The following CST8 variants were observed in gnomAD, a reference collection of about 807,000 sequenced individuals.
CST8 encodes the protein cystatin-8.
In CST8, 20 loss-of-function variants were observed where a neutral mutation model predicts 11.8. The observed-to-expected ratio is 1.70, with a 90% CI of 1.20 to 2.47. The LOEUF is 2.47. Among genes scored for constraint, CST8 ranks in the 30% most tolerant of loss-of-function variants. CST8 has a pLI of 0.00. For missense variants in CST8, 196 were observed against 167.2 expected, an observed-to-expected ratio of 1.17 and a Z score of -0.95; for synonymous variants, 77 against 63.1, an observed-to-expected ratio of 1.22 and a Z score of -1.05.
chr20:23,501,811 A>G, the CST8 span, among the ~76,000 whole-genome samples: 1 of 152,200 alleles, frequency 6.6e-6, no homozygotes, highest in Non-Finnish European at 1.5e-5. Flanking sequence ...TCCCTGGAGC[A>G]ATTATTGTTC....
downstream of CST8, chr20:23,496,080 A>C (rs951885040): frequency 1.7e-6 from 1 of 597,754 alleles, no homozygotes; most frequent in South Asian, 2.2e-5. Context: ...GGGCATGTCC[A>C]GGTCCTCTTT....
chr20:23,500,140 G>A (rs377451562), downstream of CST8, among the ~76,000 whole-genome samples: 1 of 151,946 alleles, frequency 6.6e-6, no homozygotes, highest in Non-Finnish European at 1.5e-5. Context: ...TCATTACCTC[G>A]AGGAAGACAC....
downstream of CST8, among the ~76,000 whole-genome samples, chr20:23,498,030 T>G (rs1244345398): frequency 1.3e-5 from 2 of 151,790 alleles, no homozygotes; most frequent in Admixed American, 6.6e-5. Flanking sequence ...TATGTGTGTG[T>G]GTAGAGAGAG....
intron 3 of CST8, 101 bp from the exon 4 acceptor site, chr20:23,495,730 C>T (rs1017744193): frequency 6.9e-6 from 6 of 870,172 alleles, no homozygotes; most frequent in East Asian, 5.0e-5. Context: ...TCTGTCAGCA[C>T]ACACCTAAAC....
the CST8 span, among the ~76,000 whole-genome samples, chr20:23,506,397 G>T: frequency 2.6e-5 from 4 of 152,056 alleles, no homozygotes; most frequent in Admixed American, 6.6e-5. Context: ...CTTTCTTTTG[G>T]GACCTACCAG....
At chr20:23,492,928 G>T in intron 2 of CST8, 30 bp from the exon 3 acceptor site, 2 of 1,222,482 alleles carry the variant, frequency 1.6e-6, no homozygotes, top group South Asian at 1.2e-5. Context: ...CAACTCTTTT[G>T]AATAAAATTG....
At chr20:23,495,576 C>T (rs978297045) in intron 3 of CST8, among the ~76,000 whole-genome samples, 6 of 152,070 alleles carry the variant, frequency 3.9e-5, no homozygotes, top group African/African-American at 1.4e-4. Context: ...TGAACTTGCA[C>T]CACAATGTTA....
At chr20:23,504,383 T>C in the CST8 span, among the ~76,000 whole-genome samples, 1 of 152,140 alleles carries the variant, frequency 6.6e-6, no homozygotes. Flanking sequence ...CCTTTTGCCT[T>C]TAAAAGCCTG....
At chr20:23,502,181 C>G in the CST8 span, among the ~76,000 whole-genome samples, 1 of 152,298 alleles carries the variant, frequency 6.6e-6, no homozygotes, top group East Asian at 1.9e-4. Context: ...GCCACAGAAG[C>G]CACCTAAAAG....
At chr20:23,493,117 C>T (rs1230861791) in intron 3 of CST8, 46 bp downstream of exon 3, 2 of 1,204,466 alleles carry the variant, frequency 1.7e-6, no homozygotes, top group Non-Finnish European at 2.5e-6. Flanking sequence ...CAGCTCTGAA[C>T]CCAAGAGAGA....
downstream of CST8, among the ~76,000 whole-genome samples, chr20:23,496,444 G>C (rs926807670): frequency 6.6e-6 from 1 of 152,120 alleles, no homozygotes; most frequent in African/African-American, 2.4e-5. Context: ...TGTACAAATA[G>C]GGTGGGGGTC....
the CST8 span, among the ~76,000 whole-genome samples, chr20:23,501,691 C>T: frequency 6.6e-6 from 1 of 152,142 alleles, no homozygotes; most frequent in African/African-American, 2.4e-5. Context: ...TGGATCCTGC[C>T]CAGGGAAGAG....
downstream of CST8, among the ~76,000 whole-genome samples, chr20:23,498,402 T>G (rs903272711): frequency 5.9e-5 from 9 of 152,220 alleles, no homozygotes; most frequent in African/African-American, 2.2e-4. Flanking sequence ...AGGTTTTATC[T>G]CCCATGGCTT....
At chr20:23,505,525 A>C in the CST8 span, among the ~76,000 whole-genome samples, 1 of 147,590 alleles carries the variant, frequency 6.8e-6, no homozygotes, top group Non-Finnish European at 1.5e-5. Flanking sequence ...AGGAGAGGAA[A>C]AAAAAAAATC....
At chr20:23,498,203 A>G (rs1988101109), downstream of CST8, among the ~76,000 whole-genome samples, 1 of 152,162 alleles carries the variant, frequency 6.6e-6, no homozygotes. Context: ...AAAGCTCTGG[A>G]GGTTGGATGC....
chr20:23,498,713 T>C (rs1988117990), downstream of CST8, among the ~76,000 whole-genome samples: 1 of 152,218 alleles, frequency 6.6e-6, no homozygotes, highest in Non-Finnish European at 1.5e-5. Context: ...TGCTTCCTTG[T>C]TTCCCTTCTC....
downstream of CST8, among the ~76,000 whole-genome samples, chr20:23,497,261 C>T (rs1988071097): frequency 1.3e-5 from 2 of 152,252 alleles, no homozygotes; most frequent in Admixed American, 6.5e-5. Context: ...TGTTCTTCTG[C>T]CATGGCTTCA....
the CST8 span, among the ~76,000 whole-genome samples, chr20:23,503,722 TG>T: frequency 6.6e-6 from 1 of 152,204 alleles, no homozygotes; most frequent in Admixed American, 6.5e-5. Context: ...CCCACGGGAC[TG>T]GAGGAAATCA....
chr20:23,502,383 C>T, the CST8 span, among the ~76,000 whole-genome samples: 1 of 152,224 alleles, frequency 6.6e-6, no homozygotes, highest in Non-Finnish European at 1.5e-5. Context: ...CCTGTGTGCT[C>T]TTGCCTGCTT....
Sources: gnomAD v4.1 joint callset for allele counts (sites outside exome capture counted in the v4.1 genomes callset) on GRCh38, gnomAD v4.1.1 for gene constraint, MANE v1.5 for transcripts, NCBI Gene and HGNC (gene_info 2026-07-23, HGNC 2026-07-21) for gene names.